The following ATP9A variants were observed in gnomAD, a reference collection of about 807,000 sequenced individuals.
The protein encoded by ATP9A is probable phospholipid-transporting ATPase IIA.
Under a neutral mutation model 144.1 loss-of-function variants are expected in ATP9A, and 52 were observed. The observed-to-expected ratio is 0.36, with a 90% CI of 0.29 to 0.45. The LOEUF is 0.45. ATP9A is among the 20% of genes least tolerant of loss of function. The probability of loss-of-function intolerance (pLI) is 1.00; values close to 1 mark genes in which losing one functional copy is unlikely to be tolerated. For missense variants in ATP9A, 947 were observed against 1,392.7 expected, an observed-to-expected ratio of 0.68 and a Z score of 5.09; for synonymous variants, 582 against 557.4, an observed-to-expected ratio of 1.04 and a Z score of -0.62.
At chr20:51,742,805 G>A (rs760690494) in intron 1 of ATP9A, among the ~76,000 whole-genome samples, 5 of 152,164 alleles carry the variant, frequency 3.3e-5, no homozygotes, top group African/African-American at 9.6e-5. Flanking sequence ...ATGAGCCGCC[G>A]CACCTGGCCC....
intron 26 of ATP9A, among the ~76,000 whole-genome samples, chr20:51,606,460 G>T (rs888247671): frequency 2.6e-5 from 4 of 152,184 alleles, no homozygotes; most frequent in African/African-American, 4.8e-5. Context: ...ACTTTGTGAG[G>T]CTGAGGCAAG....
At chr20:51,733,075 GT>G (rs1470719149) in intron 1 of ATP9A, among the ~76,000 whole-genome samples, 1 of 152,080 alleles carries the variant, frequency 6.6e-6, no homozygotes, top group African/African-American at 2.4e-5. Flanking sequence ...TTTTTGTTCT[GT>G]TTTGTTTTAG....
intron 5 of ATP9A, 90 bp from the exon 6 acceptor site, chr20:51,696,234 C>A: frequency 8.4e-7 from 1 of 1,193,924 alleles, no homozygotes; most frequent in Non-Finnish European, 1.2e-6. Context: ...CCCCCAACCC[C>A]TCGGTGGGTT....
At chr20:51,760,170 T>C (rs1411704582) in intron 1 of ATP9A, among the ~76,000 whole-genome samples, 1 of 151,996 alleles carries the variant, frequency 6.6e-6, no homozygotes, top group Non-Finnish European at 1.5e-5. Context: ...ATGTGCCACG[T>C]GGAAAAAATA....
At chr20:51,608,485 AG>A in intron 25 of ATP9A, 32 bp downstream of exon 25, 5 of 1,361,880 alleles carry the variant, frequency 3.7e-6, no homozygotes, top group Non-Finnish European at 5.3e-6. Flanking sequence ...AAAGGAGGAA[AG>A]GAGGAAGGAG....
chr20:51,749,869 C>T (rs908668442), intron 1 of ATP9A, among the ~76,000 whole-genome samples: 3 of 151,952 alleles, frequency 2.0e-5, no homozygotes, highest in East Asian at 3.9e-4. Flanking sequence ...TAAAATAGGC[C>T]GGGTGCAGTG....
In ATP9A at chr20:51,671,227, G is replaced by A. The variant is rs774929356; in HGVS notation, c.1068C>T (p.Ile356=). The A allele has an allele frequency of 5.6e-6, 9 of 1,613,962 alleles. No individual in the cohort carries two copies. The highest frequency in any genetic ancestry group is 1.1e-5 in the South Asian group (1 of 91,076). The change falls in exon 12 of 28, where the codon ATC becomes ATT. Residue 356 remains isoleucine, a synonymous_variant. Coordinates refer to ENST00000338821, the MANE Select transcript of ATP9A (RefSeq NM_006045.3). ...CCCTTCGAATCACCCAGCTGTACAC[G>A]ATCTTGCCCATGTCCAGGTTCACAC... is the stretch of plus-strand genomic sequence containing the variant. ...SLRVNLDMGK[I]VYSWVIRRDS... is the part of the protein sequence containing the mutation.
At chr20:51,683,198 C>T (rs1286920873) in intron 9 of ATP9A, among the ~76,000 whole-genome samples, 2 of 152,102 alleles carry the variant, frequency 1.3e-5, no homozygotes, top group Non-Finnish European at 2.9e-5. Flanking sequence ...GCAATCCTCC[C>T]ACCTCAGCTT....
At chr20:51,698,663 C>T (rs2077580578) in intron 4 of ATP9A, among the ~76,000 whole-genome samples, 1 of 152,150 alleles carries the variant, frequency 6.6e-6, no homozygotes, top group African/African-American at 2.4e-5. Flanking sequence ...GGGTGGCTGT[C>T]AACAAACTCT....
At chr20:51,645,604 CAGGAA>C (rs1351226411) in intron 14 of ATP9A, among the ~76,000 whole-genome samples, 4 of 152,168 alleles carry the variant, frequency 2.6e-5, no homozygotes, top group Non-Finnish European at 5.9e-5. Context: ...CTGAGCCCTG[CAGGAA>C]GTCTTTCCTT....
chr20:51,758,742 T>G (rs896496587), intron 1 of ATP9A, among the ~76,000 whole-genome samples: 2 of 152,004 alleles, frequency 1.3e-5, no homozygotes, highest in Non-Finnish European at 2.9e-5. Flanking sequence ...CTGCAGAACA[T>G]GGTGAAACCC....
intron 1 of ATP9A, among the ~76,000 whole-genome samples, chr20:51,740,407 T>G (rs2077779866): frequency 6.8e-6 from 1 of 147,430 alleles, no homozygotes; most frequent in African/African-American, 2.5e-5. Context: ...ATCTAAAATC[T>G]TTTAAGATTC....
chr20:51,669,066 A>T (rs2077445470), intron 13 of ATP9A, among the ~76,000 whole-genome samples: 1 of 152,180 alleles, frequency 6.6e-6, no homozygotes, highest in African/African-American at 2.4e-5. Flanking sequence ...GTTATCTCCA[A>T]ACAAGTGCTG....
At position 51,604,695 on chromosome 20, in the gene ATP9A, G is replaced by A. The variant is rs117874651; in HGVS notation, c.3007+122C>T. ...AAAACGTGGACAGCTGAGCGGGAAG[G>A]ACTGCTGGAGGAAGAGCCCAGGCCG... is the stretch of plus-strand genomic sequence containing the variant. On this transcript the variant is annotated intron_variant, in intron 27 of 27. Coordinates refer to ENST00000338821, the MANE Select transcript of ATP9A (RefSeq NM_006045.3). 1.7e-4 allele frequency: 141 copies of A among 845,004 alleles called. No individual in the cohort carries two copies. The East Asian group carries it at 4.4e-3, about 26-fold the overall frequency. The allele number at this position is 845,004 out of a possible 1,614,324, so 52.3% of individuals were successfully genotyped here. A position where few individuals can be genotyped will look rare whatever the true frequency, so the allele number is the denominator to read the frequency against.
In ATP9A at chr20:51,604,962, C is replaced by A. The variant is rs2077157375; in HGVS notation, c.2862G>T (p.Val954=). Residue 954 remains valine (V), a synonymous_variant, in exon 27 of 28, where the codon GTG becomes GTT. Coordinates refer to ENST00000338821, the MANE Select transcript of ATP9A (RefSeq NM_006045.3). ...LLFESEFVHI[V]AISFTSLILT... The stretch of plus-strand genomic sequence containing the variant: ...GGATCAGCGAGGTGAAGGAGATGGC[C>A]ACGATGTGCACGAACTCCGACTCAA... The A allele has an allele frequency of 6.2e-7, 1 of 1,613,178 alleles. No individual in the cohort carries two copies. The highest frequency in any genetic ancestry group is 8.5e-7 in the Non-Finnish European group (1 of 1,179,616).
At chr20:51,702,752 G>A (rs986348198) in intron 4 of ATP9A, among the ~76,000 whole-genome samples, 1 of 152,132 alleles carries the variant, frequency 6.6e-6, no homozygotes, top group African/African-American at 2.4e-5. Context: ...CCACTATTCT[G>A]AGTCTTCTAC....
intron 23 of ATP9A, 95 bp from the exon 24 acceptor site, chr20:51,610,260 C>G (rs914729894): frequency 1.9e-5 from 18 of 950,956 alleles, no homozygotes; most frequent in Non-Finnish European, 1.7e-5. Context: ...ACATAACACC[C>G]GCGCCGGCAC....
intron 1 of ATP9A, among the ~76,000 whole-genome samples, chr20:51,746,624 G>A (rs1319249935): frequency 6.6e-6 from 1 of 152,206 alleles, no homozygotes; most frequent in Non-Finnish European, 1.5e-5. Flanking sequence ...CAGATCACGA[G>A]GTCAGGAGAT....
At position 51,671,251 on chromosome 20, in the gene ATP9A, A is replaced by G. The variant is rs2255342; in HGVS notation, c.1044T>C (p.Arg348=). The change falls in exon 12 of 28, where the codon CGT becomes CGC. Residue 348 remains arginine (R), a synonymous_variant. Transcript: ENST00000338821. Reference sequence around the variant, plus strand: ...CGATCTTGCCCATGTCCAGGTTCACACGCAAACTAGGCACAAAACCAGAGC... The same window carrying G: ...CGATCTTGCCCATGTCCAGGTTCACGCGCAAACTAGGCACAAAACCAGAGC... ...LFSNIIPISL[R]VNLDMGKIVY... is the part of the protein sequence containing the mutation. 1,266,658 of 1,612,442 alleles carry G rather than the reference A, an allele frequency of 0.79. 500,012 individuals carry two copies. Among genetic ancestry groups the G allele is most frequent in the Non-Finnish European group, 0.81 (948,951 of 1,178,794 alleles).
Sources: allele counts gnomAD v4.1 joint callset (sites outside exome capture counted in the v4.1 genomes callset), GRCh38; gene constraint gnomAD v4.1.1; transcripts MANE v1.5; gene names NCBI Gene and HGNC (gene_info 2026-07-23, HGNC 2026-07-21).